Variants in TP63 observed in about 807,000 individuals in gnomAD.
TP63 encodes tumor protein 63.
Under a neutral mutation model 82.8 loss-of-function variants are expected in TP63, and 17 were observed. The ratio of observed to expected loss-of-function variants is 0.21; its 90% CI spans 0.14 to 0.31. The LOEUF (loss-of-function observed/expected upper bound fraction) is 0.31. Ranked by LOEUF, TP63 falls within the 10% of genes least tolerant of loss-of-function variation. The probability of loss-of-function intolerance (pLI) is 1.00; values close to 1 mark genes in which losing one functional copy is unlikely to be tolerated. For synonymous variants in TP63, 330 were observed against 321.7 expected (o/e 1.03, Z -0.28); for missense variants, 648 against 895.3 (o/e 0.72, Z 3.52).
chr3:189,858,403 C>CAAAA (rs1160961471), intron 4 of TP63, among the ~76,000 whole-genome samples: 1 of 2,880 alleles, frequency 3.5e-4, no homozygotes, highest in Non-Finnish European at 7.6e-4. Context: ...GACTCCGTCT[C>CAAAA]AAAAAAAAAA....
At chr3:189,708,073 T>C (rs1346744215) in intron 1 of TP63, among the ~76,000 whole-genome samples, 1 of 152,224 alleles carries the variant, frequency 6.6e-6, no homozygotes, top group Non-Finnish European at 1.5e-5. Flanking sequence ...TTTCGTTCCT[T>C]CTTTATTTTC....
intron 1 of TP63, among the ~76,000 whole-genome samples, chr3:189,638,661 A>G (rs371201895): frequency 1.6e-4 from 25 of 152,156 alleles, no homozygotes; most frequent in Non-Finnish European, 3.4e-4. Flanking sequence ...AGCCTTGGAA[A>G]TGCACTGTAA....
intron 10 of TP63, among the ~76,000 whole-genome samples, chr3:189,874,352 G>T (rs1265928053): frequency 6.6e-6 from 1 of 152,218 alleles, no homozygotes; most frequent in Non-Finnish European, 1.5e-5. Flanking sequence ...GATTACAGGT[G>T]TGGGCCACCG....
intron 3 of TP63, among the ~76,000 whole-genome samples, chr3:189,742,052 G>A (rs908217382): frequency 2.0e-5 from 3 of 151,770 alleles, no homozygotes; most frequent in South Asian, 2.1e-4. Flanking sequence ...AGACCAGCCC[G>A]GCCAACATGG....
intron 4 of TP63, among the ~76,000 whole-genome samples, chr3:189,840,592 G>A (rs998670070): frequency 6.6e-6 from 1 of 151,598 alleles, no homozygotes; most frequent in African/African-American, 2.4e-5. Flanking sequence ...TGGGTGCGGT[G>A]GCTCACGCCT....
intron 4 of TP63, among the ~76,000 whole-genome samples, chr3:189,854,240 G>T (rs979470803): frequency 6.6e-6 from 1 of 152,044 alleles, no homozygotes; most frequent in African/African-American, 2.4e-5. Flanking sequence ...TTTTATGTTT[G>T]TTTGTTTGAG....
chr3:189,886,943 T>G (rs1042216411), intron 11 of TP63, among the ~76,000 whole-genome samples: 7 of 152,104 alleles, frequency 4.6e-5, no homozygotes, highest in Non-Finnish European at 8.8e-5. Flanking sequence ...GCATGGTGGC[T>G]CACGACTGCA....
intron 4 of TP63, among the ~76,000 whole-genome samples, chr3:189,815,704 G>A (rs937143734): frequency 6.6e-6 from 1 of 152,042 alleles, no homozygotes; most frequent in Non-Finnish European, 1.5e-5. Context: ...ATGGTAACAA[G>A]GGGAGATTAC....
intron 1 of TP63, among the ~76,000 whole-genome samples, chr3:189,727,515 A>C (rs1397345809): frequency 6.6e-6 from 1 of 152,238 alleles, no homozygotes; most frequent in African/African-American, 2.4e-5. Context: ...TAGATGACTT[A>C]AGGTACTTCC....
intron 1 of TP63, among the ~76,000 whole-genome samples, chr3:189,693,557 A>G (rs770010027): frequency 6.6e-6 from 1 of 152,234 alleles, no homozygotes; most frequent in African/African-American, 2.4e-5. Flanking sequence ...AGTGCTTCGT[A>G]TACTAAAAAA....
intron 1 of TP63, among the ~76,000 whole-genome samples, chr3:189,672,653 GAA>G (rs1715006182): frequency 4.1e-5 from 5 of 122,386 alleles, no homozygotes; most frequent in Non-Finnish European, 7.1e-5. Flanking sequence ...AGGGAGGGAG[GAA>G]GGAAGGAAAG....
At chr3:189,603,338 T>C in the TP63 span, among the ~76,000 whole-genome samples, 1 of 152,080 alleles carries the variant, frequency 6.6e-6, no homozygotes, top group Non-Finnish European at 1.5e-5. Flanking sequence ...GGTGAAGAAA[T>C]TGGACTACCT....
chr3:189,710,473 T>C (rs145717793), intron 1 of TP63, among the ~76,000 whole-genome samples: 58 of 151,592 alleles, frequency 3.8e-4, no homozygotes, highest in African/African-American at 1.3e-3. Flanking sequence ...TAATTTATAA[T>C]GTTAGCCAAA....
At chr3:189,785,572 A>G (rs755997158) in intron 3 of TP63, among the ~76,000 whole-genome samples, 3 of 152,104 alleles carry the variant, frequency 2.0e-5, no homozygotes, top group African/African-American at 2.4e-5. Flanking sequence ...GTATTTGAAT[A>G]TATCGGGAAA....
chr3:189,870,539 G>C (rs1718293402), intron 9 of TP63, among the ~76,000 whole-genome samples: 1 of 152,024 alleles, frequency 6.6e-6, no homozygotes, highest in African/African-American at 2.4e-5. Context: ...GGCCAGATGG[G>C]GGTGGGTAGT....
intron 1 of TP63, among the ~76,000 whole-genome samples, chr3:189,632,026 A>G (rs995708919): frequency 2.6e-5 from 4 of 151,800 alleles, no homozygotes; most frequent in Non-Finnish European, 5.9e-5. Context: ...ATTGCATTTT[A>G]TAAGGAATAT....
At chr3:189,787,823 G>A (rs560194993) in intron 3 of TP63, among the ~76,000 whole-genome samples, 2 of 152,068 alleles carry the variant, frequency 1.3e-5, no homozygotes, top group East Asian at 3.9e-4. Context: ...ATCCAGAACC[G>A]CCTAGCAGGC....
chr3:189,812,385 A>G (rs1727663364), intron 4 of TP63, among the ~76,000 whole-genome samples: 1 of 152,222 alleles, frequency 6.6e-6, no homozygotes, highest in South Asian at 2.1e-4. Context: ...ATACACGACA[A>G]ACCAACGTTT....
At chr3:189,690,652 C>A (rs921273601) in intron 1 of TP63, among the ~76,000 whole-genome samples, 7 of 152,152 alleles carry the variant, frequency 4.6e-5, no homozygotes, top group African/African-American at 1.4e-4. Flanking sequence ...AAACCCAAAC[C>A]CCGGTAGAAT....
Sources: gnomAD v4.1 joint callset for allele counts (sites outside exome capture counted in the v4.1 genomes callset) on GRCh38, gnomAD v4.1.1 for gene constraint, MANE v1.5 for transcripts, NCBI Gene and HGNC (gene_info 2026-07-23, HGNC 2026-07-21) for gene names.